The following RFC3 variants were observed in gnomAD, a reference collection of about 807,000 sequenced individuals.
RFC3 encodes the protein replication factor C subunit 3, also known as A1 38 kDa subunit.
RFC3 carries 41 observed loss-of-function variants against 45.1 expected under a neutral mutation model. The ratio of observed to expected loss-of-function variants is 0.91; its 90% CI spans 0.71 to 1.18. The LOEUF is 1.18. Among genes scored for constraint, RFC3 ranks in the 50% most tolerant of loss-of-function variants. The probability of loss-of-function intolerance (pLI) is 0.00; values close to 1 mark genes in which losing one functional copy is unlikely to be tolerated. For synonymous variants in RFC3, 149 were observed against 144.0 expected, an observed-to-expected ratio of 1.03 and a Z score of -0.25; for missense variants, 423 against 428.1, an observed-to-expected ratio of 0.99 and a Z score of 0.10.
chr13:33,865,336 CTGT>C (rs1466483327), intron 8 of RFC3, among the ~76,000 whole-genome samples: 1 of 152,156 alleles, frequency 6.6e-6, no homozygotes, highest in Non-Finnish European at 1.5e-5. Context: ...TTGTAAGAAG[CTGT>C]TGTTTCCTTT....
intron 8 of RFC3, among the ~76,000 whole-genome samples, chr13:33,922,682 A>G (rs1268818941): frequency 6.6e-6 from 1 of 152,174 alleles, no homozygotes; most frequent in Non-Finnish European, 1.5e-5. Context: ...GTAGCTAGTC[A>G]AATAATCTTG....
chr13:33,928,546 TG>T (rs1294673516), intron 8 of RFC3, among the ~76,000 whole-genome samples: 2 of 152,072 alleles, frequency 1.3e-5, no homozygotes, highest in African/African-American at 4.8e-5. Flanking sequence ...ATATGCTGCT[TG>T]TTAAATTAAA....
At chr13:33,912,620 A>T (rs898262506) in intron 8 of RFC3, among the ~76,000 whole-genome samples, 1 of 152,066 alleles carries the variant, frequency 6.6e-6, no homozygotes, top group Non-Finnish European at 1.5e-5. Flanking sequence ...TCATCTCTGG[A>T]GAGGAGGCTG....
At chr13:33,838,979 A>T (rs2082177909), downstream of RFC3, among the ~76,000 whole-genome samples, 1 of 152,070 alleles carries the variant, frequency 6.6e-6, no homozygotes, top group African/African-American at 2.4e-5. Flanking sequence ...GTTTCTGCTC[A>T]GTCGCTTTTA....
chr13:33,968,156 C>T (rs149834679), downstream of RFC3, among the ~76,000 whole-genome samples: 1 of 152,306 alleles, frequency 6.6e-6, no homozygotes, highest in East Asian at 1.9e-4. Flanking sequence ...GAGATGGAGT[C>T]TGGCTCTGTC....
intron 8 of RFC3, among the ~76,000 whole-genome samples, chr13:33,923,455 G>A (rs58584349): frequency 0.015 from 2,345 of 152,156 alleles, 70 homozygotes; most frequent in African/African-American, 0.054. Context: ...CATAGTTGGG[G>A]GTGAGGATAT....
chr13:33,926,761 T>A (rs1339718145), intron 8 of RFC3, among the ~76,000 whole-genome samples: 1 of 151,218 alleles, frequency 6.6e-6, no homozygotes, highest in Non-Finnish European at 1.5e-5. Context: ...GATCTGCAAC[T>A]GTGGGATACA....
At chr13:33,933,456 G>C (rs572459446) in intron 8 of RFC3, among the ~76,000 whole-genome samples, 1 of 152,182 alleles carries the variant, frequency 6.6e-6, no homozygotes, top group African/African-American at 2.4e-5. Context: ...TGCTATGATT[G>C]GGTTAGATGC....
At chr13:33,840,245 A>C (rs970187094), downstream of RFC3, among the ~76,000 whole-genome samples, 5 of 152,212 alleles carry the variant, frequency 3.3e-5, no homozygotes, top group Admixed American at 1.3e-4. Context: ...GTAGTGTTGC[A>C]TAAGTCACAG....
chr13:33,935,286 A>G (rs1268397551), intron 8 of RFC3, among the ~76,000 whole-genome samples: 1 of 152,138 alleles, frequency 6.6e-6, no homozygotes, highest in African/African-American at 2.4e-5. Flanking sequence ...TATTCCCAAA[A>G]GTCTCTTTGA....
chr13:33,839,322 C>A (rs2139436244), downstream of RFC3, among the ~76,000 whole-genome samples: 1 of 152,268 alleles, frequency 6.6e-6, no homozygotes, highest in Admixed American at 6.5e-5. Context: ...TTTCCCCATC[C>A]TTTTTGAACC....
intron 8 of RFC3, among the ~76,000 whole-genome samples, chr13:33,892,017 A>C (rs1474140742): frequency 6.6e-6 from 1 of 152,216 alleles, no homozygotes; most frequent in Non-Finnish European, 1.5e-5. Context: ...ACATTATTCA[A>C]CTGTCTCTAC....
chr13:33,890,800 C>G (rs987869329), intron 8 of RFC3, among the ~76,000 whole-genome samples: 12 of 152,174 alleles, frequency 7.9e-5, no homozygotes, highest in African/African-American at 2.9e-4. Flanking sequence ...CAAGGTCACA[C>G]AGCTTGTAGG....
chr13:33,955,929 C>T (rs907998534), intron 8 of RFC3, among the ~76,000 whole-genome samples: 10 of 152,152 alleles, frequency 6.6e-5, no homozygotes, highest in African/African-American at 2.2e-4. Flanking sequence ...AAGAAGGAGC[C>T]TAATCTATAA....
chr13:33,864,427 G>A (rs955758405), intron 8 of RFC3, among the ~76,000 whole-genome samples: 1 of 152,156 alleles, frequency 6.6e-6, no homozygotes, highest in African/African-American at 2.4e-5. Context: ...TCTTTCTCTT[G>A]TTCTGTCTTC....
chr13:33,856,050 A>T (rs1216450497), intron 8 of RFC3, among the ~76,000 whole-genome samples: 1 of 152,132 alleles, frequency 6.6e-6, no homozygotes. Context: ...GCCCATTCCT[A>T]TGTCCAGAAT....
At chr13:33,849,981 T>C (rs1280545223) in intron 8 of RFC3, 1 of 152,242 alleles carries the variant, frequency 6.6e-6, no homozygotes, top group African/African-American at 2.4e-5. Flanking sequence ...TAATTACATG[T>C]TAACATTTGT....
At chr13:33,972,285 A>G in the RFC3 span, among the ~76,000 whole-genome samples, 4 of 152,078 alleles carry the variant, frequency 2.6e-5, no homozygotes, top group Middle Eastern at 3.2e-3. Context: ...CTTGGGGTCT[A>G]TTTCTATGCA....
intron 8 of RFC3, among the ~76,000 whole-genome samples, chr13:33,905,471 C>G (rs891056969): frequency 6.6e-6 from 1 of 151,778 alleles, no homozygotes; most frequent in Non-Finnish European, 1.5e-5. Flanking sequence ...AAATCTAAGC[C>G]TGAAAGACCT....
Sources: allele counts gnomAD v4.1 joint callset (sites outside exome capture counted in the v4.1 genomes callset), GRCh38; gene constraint gnomAD v4.1.1; transcripts MANE v1.5; gene names NCBI Gene and HGNC (gene_info 2026-07-23, HGNC 2026-07-21).